PRR16: variants seen among roughly 807,000 people sequenced by gnomAD.
PRR16 encodes proline rich 16, also known as protein Largen.
Under a neutral mutation model 18.2 loss-of-function variants are expected in PRR16, and 6 were observed. The observed-to-expected ratio is 0.33, with a 90% CI of 0.18 to 0.65. PRR16 has a LOEUF of 0.65. Among genes scored for constraint, PRR16 ranks in the 30% least tolerant of loss-of-function variants. PRR16 has a pLI of 0.74. For synonymous variants in PRR16, 151 were observed against 147.8 expected (o/e 1.02, Z -0.16); for missense variants, 412 against 376.6 (o/e 1.09, Z -0.78).
chr5:120,628,975 A>T (rs924268130), intron 1 of PRR16, among the ~76,000 whole-genome samples: 1 of 152,010 alleles, frequency 6.6e-6, no homozygotes, highest in Non-Finnish European at 1.5e-5. Context: ...AGATTATTTT[A>T]TAAGCCAGAT....
At chr5:120,518,123 A>G (rs1458319276) in intron 1 of PRR16, among the ~76,000 whole-genome samples, 1 of 152,140 alleles carries the variant, frequency 6.6e-6, no homozygotes, top group African/African-American at 2.4e-5. Context: ...TTTTTACGTC[A>G]ATCTTTTTTA....
the PRR16 span, among the ~76,000 whole-genome samples, chr5:120,764,640 A>G: frequency 6.6e-6 from 1 of 151,864 alleles, no homozygotes; most frequent in Non-Finnish European, 1.5e-5. Context: ...TAATCAAGGA[A>G]AAGATTAAAT....
chr5:120,589,215 C>CA (rs1753551556), intron 1 of PRR16, among the ~76,000 whole-genome samples: 1 of 152,054 alleles, frequency 6.6e-6, no homozygotes, highest in African/African-American at 2.4e-5. Flanking sequence ...GCATTTTCTG[C>CA]AAAGTATGTT....
intron 1 of PRR16, chr5:120,481,174 G>A (rs1749598782): frequency 1.0e-6 from 1 of 993,318 alleles, no homozygotes; most frequent in Non-Finnish European, 1.4e-6. Flanking sequence ...TGGAGATGAA[G>A]TCCCACTCTG....
chr5:120,511,132 G>A (rs1427110755), intron 1 of PRR16, among the ~76,000 whole-genome samples: 2 of 152,086 alleles, frequency 1.3e-5, no homozygotes, highest in African/African-American at 4.8e-5. Context: ...ACTGCCAAAG[G>A]GGCTATCATT....
At chr5:120,706,026 T>C in the PRR16 span, among the ~76,000 whole-genome samples, 2 of 152,192 alleles carry the variant, frequency 1.3e-5, no homozygotes, top group Non-Finnish European at 2.9e-5. Flanking sequence ...TATAACAAAG[T>C]TCGGAGACAT....
At chr5:120,592,947 C>A (rs972958111) in intron 1 of PRR16, among the ~76,000 whole-genome samples, 2 of 152,044 alleles carry the variant, frequency 1.3e-5, no homozygotes, top group African/African-American at 4.8e-5. Context: ...TTTGCAATTT[C>A]TCTTTTAATT....
At chr5:120,561,068 A>G (rs1304859543) in intron 1 of PRR16, among the ~76,000 whole-genome samples, 1 of 151,294 alleles carries the variant, frequency 6.6e-6, no homozygotes, top group African/African-American at 2.4e-5. Context: ...CAAGAAACAA[A>G]TTTTTTGCTT....
chr5:120,740,491 T>C, the PRR16 span, among the ~76,000 whole-genome samples: 2 of 152,306 alleles, frequency 1.3e-5, no homozygotes. Context: ...CACACTTTAG[T>C]ACTGTACTGT....
chr5:120,776,402 G>A, the PRR16 span, among the ~76,000 whole-genome samples: 1 of 151,962 alleles, frequency 6.6e-6, no homozygotes. Context: ...TTCTATAACT[G>A]GATTAGAGAA....
Position 120,464,328 on chromosome 5 carries a change from C to G in PRR16, c.-159C>G, listed in dbSNP as rs1749004625. 2.7e-6 allele frequency: 2 copies of G among 732,198 alleles called. No homozygotes were observed. Among genetic ancestry groups the G allele is most frequent in the Admixed American group, 4.1e-5 (1 of 24,200 alleles). 45.4% of individuals were successfully genotyped at this position (732,198 alleles called of 1,614,324 possible). On this transcript the variant is annotated 5_prime_UTR_variant, in exon 1 of 2. Transcript: ENST00000407149. ...TGATGGCAGCACCACTGTGCGGCCG[C>G]CCGGCCGAGCGCGGAGCGCAGCCAC... is the stretch of plus-strand genomic sequence containing the variant.
At chr5:120,595,995 A>T (rs1452746923) in intron 1 of PRR16, among the ~76,000 whole-genome samples, 1 of 151,944 alleles carries the variant, frequency 6.6e-6, no homozygotes, top group Non-Finnish European at 1.5e-5. Context: ...ATGAGCAGTG[A>T]TTGTGAAACT....
intron 1 of PRR16, among the ~76,000 whole-genome samples, chr5:120,552,647 A>G (rs975180673): frequency 5.3e-5 from 8 of 151,998 alleles, no homozygotes; most frequent in Non-Finnish European, 7.4e-5. Context: ...TTTTTCATAT[A>G]TAAACTAAAC....
chr5:120,605,556 C>T (rs1431199172), intron 1 of PRR16, among the ~76,000 whole-genome samples: 1 of 152,144 alleles, frequency 6.6e-6, no homozygotes, highest in Non-Finnish European at 1.5e-5. Flanking sequence ...CATTGCTGCA[C>T]AGCTAGTGTG....
At chr5:120,518,422 G>A (rs574642868) in intron 1 of PRR16, among the ~76,000 whole-genome samples, 1 of 152,230 alleles carries the variant, frequency 6.6e-6, no homozygotes, top group South Asian at 2.1e-4. Context: ...GGAGACTAGG[G>A]ATGAGGCTTC....
At chr5:120,514,891 G>C (rs191383986) in intron 1 of PRR16, among the ~76,000 whole-genome samples, 1 of 151,916 alleles carries the variant, frequency 6.6e-6, no homozygotes, top group Non-Finnish European at 1.5e-5. Context: ...CCTGCTCTTC[G>C]AAATTCTTCC....
intron 1 of PRR16, among the ~76,000 whole-genome samples, chr5:120,565,384 A>G (rs983410913): frequency 3.9e-5 from 6 of 152,222 alleles, no homozygotes; most frequent in African/African-American, 1.4e-4. Flanking sequence ...GTAGTTACAC[A>G]TGTCATTGAG....
intron 1 of PRR16, among the ~76,000 whole-genome samples, chr5:120,582,453 A>G (rs1369164732): frequency 6.6e-6 from 1 of 152,018 alleles, no homozygotes; most frequent in Non-Finnish European, 1.5e-5. Context: ...ATCTAAAATA[A>G]AATAAATTAA....
the PRR16 span, among the ~76,000 whole-genome samples, chr5:120,733,088 A>T: frequency 2.0e-5 from 3 of 152,204 alleles, no homozygotes; most frequent in South Asian, 6.2e-4. Flanking sequence ...ATTTATTAAT[A>T]AGACTGAAGT....
Sources: allele counts gnomAD v4.1 joint callset (sites outside exome capture counted in the v4.1 genomes callset), GRCh38; gene constraint gnomAD v4.1.1; transcripts MANE v1.5; gene names NCBI Gene and HGNC (gene_info 2026-07-23, HGNC 2026-07-21).